The following NLRP4 variants were observed in gnomAD, a reference collection of about 807,000 sequenced individuals.
NLRP4 encodes NACHT, LRR and PYD domains-containing protein 4.
NLRP4 carries 44 observed loss-of-function variants against 84.7 expected under a neutral mutation model. That is an observed-to-expected ratio of 0.52 (90% CI 0.41 to 0.67). NLRP4 has a LOEUF of 0.67. Among genes scored for constraint, NLRP4 ranks in the 30% least tolerant of loss-of-function variants. The pLI is 0.00. For missense variants in NLRP4, 1,260 were observed against 1,219.4 expected (o/e 1.03, Z -0.50); for synonymous variants, 544 against 476.4 (o/e 1.14, Z -1.85).
chr19:55,868,514 T>TGAG (rs1985050679), intron 6 of NLRP4, among the ~76,000 whole-genome samples: 1 of 151,544 alleles, frequency 6.6e-6, no homozygotes, highest in Non-Finnish European at 1.5e-5. Context: ...TTTTTTTTTT[T>TGAG]TTTTGAGTTT....
In NLRP4 at chr19:55,845,993, G is replaced by A. The variant is rs536084220; in HGVS notation, c.-65-6023G>A. 3.9e-5 allele frequency among the ~76,000 whole-genome samples: 6 copies of A among 152,114 alleles called. No homozygotes were observed. The East Asian group carries it at 7.7e-4, about 20-fold the overall frequency. ...TAGGTTGCCTGATCACTCTGATGGT[G>A]GTTTCTTTTGCTGTGCAGAAGCTCT... On this transcript the variant is annotated intron_variant, in intron 1 of 9. Transcript: ENST00000301295.
chr19:55,864,364 T>C (rs1170140823), intron 5 of NLRP4, among the ~76,000 whole-genome samples: 2 of 152,262 alleles, frequency 1.3e-5, no homozygotes, highest in African/African-American at 4.8e-5. Context: ...GCAAAATGTT[T>C]TCAAGGTTTA....
intron 1 of NLRP4, among the ~76,000 whole-genome samples, chr19:55,842,088 C>T (rs539130685): frequency 3.9e-5 from 6 of 152,262 alleles, no homozygotes; most frequent in East Asian, 1.9e-4. Context: ...TGCATCCTTG[C>T]CAACATTTGT....
rs370421219 is a variant in NLRP4 at position 55,857,989 on chromosome 19, C to T, written c.596C>T (p.Thr199Met). The change falls in exon 3 of 10, where the codon ACG becomes ATG. Residue 199 changes from threonine (T) to methionine (M), a missense_variant. Transcript: ENST00000301295. ...AGAGAACTGAGGGAGTTGCCGCCAA[C>T]GAGTTTGGCTGACTTGATTTCCAGA... ...CCRELRELPP[T>M]SLADLISREW... 7.8e-5 allele frequency: 126 copies of T among 1,614,102 alleles called. No homozygotes were observed. The highest frequency in any genetic ancestry group is 5.2e-4 in the African/African-American group (39 of 75,034).
In NLRP4 at chr19:55,870,838, G is replaced by A. The variant is rs764862318; in HGVS notation, c.2366G>A (p.Cys789Tyr). 5.0e-6 allele frequency: 8 copies of A among 1,613,036 alleles called. No homozygotes were observed. In the African/African-American group the frequency reaches 1.1e-4, roughly 22 times the overall value. ...TVLVYLMLAFCHLSEQCCEYI... is the reference protein window; with the variant it reads ...TVLVYLMLAFYHLSEQCCEYI... ...TTTTGTCCCCATAGGTTGGCTTTCT[G>A]CCACCTCAGCGAGCAGTGCTGCGAA... is the stretch of plus-strand genomic sequence containing the variant. The change falls in exon 7 of 10, where the codon TGC (cysteine) becomes TAC (tyrosine). Residue 789 changes from cysteine to tyrosine, a missense_variant. Cys to Tyr is a radical substitution (Grantham distance 194). Around this residue, in one of 3 missense-constraint regions of NLRP4, gnomAD observed 544 missense variants for 531.7 expected, o/e 1.02. Coordinates refer to ENST00000301295, the MANE Select transcript of NLRP4 (RefSeq NM_134444.5).
chr19:55,843,733 A>G (rs914470954), intron 1 of NLRP4, among the ~76,000 whole-genome samples: 2 of 152,016 alleles, frequency 1.3e-5, no homozygotes, highest in African/African-American at 4.8e-5. Flanking sequence ...TAGCAATCTT[A>G]TATTAGGTTG....
intron 3 of NLRP4, among the ~76,000 whole-genome samples, chr19:55,859,804 G>A (rs1020916842): frequency 6.6e-6 from 1 of 151,218 alleles, no homozygotes; most frequent in Admixed American, 6.6e-5. Context: ...GCGCACACCT[G>A]TAATCCCAGC....
chr19:55,859,331 A>G (rs1388948709), intron 3 of NLRP4, 82 bp downstream of exon 3: 2 of 1,130,060 alleles, frequency 1.8e-6, no homozygotes, highest in Non-Finnish European at 2.5e-6. Flanking sequence ...AGTGTTTAAT[A>G]TAGGATCATG....
intron 2 of NLRP4, chr19:55,857,311 C>G: frequency 3.6e-6 from 1 of 274,206 alleles, no homozygotes; most frequent in Non-Finnish European, 6.6e-6. Context: ...TCAAACTTTA[C>G]GTAGTAGCAA....
intron 1 of NLRP4, 77 bp downstream of exon 1, chr19:55,837,011 C>T (rs1412842635): frequency 6.6e-6 from 1 of 152,130 alleles, no homozygotes; most frequent in Non-Finnish European, 1.5e-5. Context: ...TGACCTAGGG[C>T]AGAAACGTCT....
intron 2 of NLRP4, among the ~76,000 whole-genome samples, chr19:55,853,893 C>CTTTCTCTCTCTCTTTCTGTCTCTCTT (rs1568661700): frequency 2.1e-5 from 3 of 144,556 alleles, no homozygotes; most frequent in Non-Finnish European, 3.0e-5. Flanking sequence ...ATCTCTTTCT[C>CTTTCTCTCTCTCTTTCTGTCTCTCTT]TCTCTCTCTC....
At position 55,867,775 on chromosome 19, in the gene NLRP4, G is replaced by C; in HGVS notation, c.2253G>C (p.Lys751Asn). ...EVLAGLLTNN[K>N]KLTYLNVSCN... is the part of the protein sequence containing the mutation. ...TTGCTGGCCTTCTAACCAACAACAA[G>C]AAGCTGACGTATCTGAATGTATCCT... Residue 751 changes from lysine (K) to asparagine (N), a missense_variant, in exon 6 of 10, where the codon AAG (lysine) becomes AAC (asparagine). Physicochemically the swap from Lys to Asn is moderately conservative, Grantham distance 94. Coordinates refer to ENST00000301295, the MANE Select transcript of NLRP4 (RefSeq NM_134444.5). 4 of 1,614,136 alleles carry C rather than the reference G, an allele frequency of 2.5e-6. No individual in the cohort carries two copies. The South Asian group carries it at 3.3e-5, about 13-fold the overall frequency.
chr19:55,839,033 C>T (rs866491213), intron 1 of NLRP4, among the ~76,000 whole-genome samples: 4 of 151,368 alleles, frequency 2.6e-5, no homozygotes, highest in Non-Finnish European at 4.4e-5. Flanking sequence ...TAGGTGTACA[C>T]GTGGCATGGT....
At chr19:55,870,004 G>A (rs1985112485) in intron 6 of NLRP4, among the ~76,000 whole-genome samples, 1 of 152,096 alleles carries the variant, frequency 6.6e-6, no homozygotes, top group South Asian at 2.1e-4. Context: ...GTGCTGAGGT[G>A]GGAGGATCCC....
At chr19:55,859,401 G>T in intron 3 of NLRP4, 152 bp downstream of exon 3, 1 of 616,370 alleles carries the variant, frequency 1.6e-6, no homozygotes, top group Non-Finnish European at 2.8e-6. Flanking sequence ...CAACATTTTA[G>T]GAGCTCTTAG....
At chr19:55,844,518 C>T (rs998866801) in intron 1 of NLRP4, among the ~76,000 whole-genome samples, 3 of 152,204 alleles carry the variant, frequency 2.0e-5, no homozygotes, top group African/African-American at 4.8e-5. Flanking sequence ...TCAGGTGATC[C>T]GCCCACCTTG....
chr19:55,839,598 T>C (rs1568653097), intron 1 of NLRP4, among the ~76,000 whole-genome samples: 1 of 152,096 alleles, frequency 6.6e-6, no homozygotes, highest in Non-Finnish European at 1.5e-5. Context: ...AAAATGGTAA[T>C]AGTCTCAATT....
At chr19:55,871,287 G>C (rs1339408423) in intron 7 of NLRP4, among the ~76,000 whole-genome samples, 1 of 152,188 alleles carries the variant, frequency 6.6e-6, no homozygotes, top group Non-Finnish European at 1.5e-5. Flanking sequence ...TCATGGCGAA[G>C]ATGATATTTG....
intron 3 of NLRP4, among the ~76,000 whole-genome samples, chr19:55,861,087 A>G (rs1984730354): frequency 6.6e-6 from 1 of 152,278 alleles, no homozygotes; most frequent in Non-Finnish European, 1.5e-5. Flanking sequence ...TGTGCATTGT[A>G]GGATGTTCAG....
Sources: allele counts gnomAD v4.1 joint callset (sites outside exome capture counted in the v4.1 genomes callset), GRCh38; gene constraint gnomAD v4.1.1; regional missense constraint gnomAD v4.1.1; transcripts MANE v1.5; gene names NCBI Gene and HGNC (gene_info 2026-07-23, HGNC 2026-07-21).